Variants in ATOSA observed in about 807,000 individuals in gnomAD.
ATOSA encodes the protein atos homolog protein A.
At chr15:52,641,097 C>T in the ATOSA span, among the ~76,000 whole-genome samples, 1 of 152,152 alleles carries the variant, frequency 6.6e-6, no homozygotes, top group African/African-American at 2.4e-5. Flanking sequence ...AAAAATAAAA[C>T]AGCTACAGGT....
chr15:52,614,750 A>T, the ATOSA span, among the ~76,000 whole-genome samples: 1 of 151,954 alleles, frequency 6.6e-6, no homozygotes, highest in Admixed American at 6.6e-5. Context: ...CAGGAGGCTG[A>T]GGCAGGAGAA....
chr15:52,639,022 T>C, the ATOSA span, among the ~76,000 whole-genome samples: 12 of 151,048 alleles, frequency 7.9e-5, no homozygotes, highest in African/African-American at 2.7e-4. Flanking sequence ...TGACTTGAAA[T>C]TGACTTCAAG....
chr15:52,590,305 C>T, the ATOSA span, among the ~76,000 whole-genome samples: 1 of 152,180 alleles, frequency 6.6e-6, no homozygotes, highest in African/African-American at 2.4e-5. Flanking sequence ...CACTGGCACA[C>T]CTGCCTTAGA....
At chr15:52,621,200 A>G in the ATOSA span, among the ~76,000 whole-genome samples, 1 of 152,246 alleles carries the variant, frequency 6.6e-6, no homozygotes. Flanking sequence ...ACTTTTGACA[A>G]GGAAACATAT....
chr15:52,677,983 C>T, the ATOSA span: 1 of 1,613,960 alleles, frequency 6.2e-7, no homozygotes, highest in Non-Finnish European at 8.5e-7. Flanking sequence ...GGGGAACAAG[C>T]CCTACTTAAA....
the ATOSA span, among the ~76,000 whole-genome samples, chr15:52,662,633 G>A: frequency 9.3e-5 from 14 of 151,334 alleles, no homozygotes; most frequent in African/African-American, 2.9e-4. Flanking sequence ...AGCAGGGCAC[G>A]GTGGCGGGTG....
chr15:52,688,625 T>C, the ATOSA span, among the ~76,000 whole-genome samples: 1 of 152,178 alleles, frequency 6.6e-6, no homozygotes, highest in Non-Finnish European at 1.5e-5. Flanking sequence ...TGAAAAACCA[T>C]AGCATCTAGA....
chr15:52,600,957 C>G, the ATOSA span: 1 of 650,262 alleles, frequency 1.5e-6, no homozygotes, highest in African/African-American at 1.9e-5. Context: ...TGCGTGTGTA[C>G]ATGGTATCAT....
the ATOSA span, among the ~76,000 whole-genome samples, chr15:52,606,792 C>A: frequency 6.6e-6 from 1 of 152,068 alleles, no homozygotes; most frequent in Non-Finnish European, 1.5e-5. Context: ...AAAATATAAA[C>A]TGGAAACATG....
the ATOSA span, among the ~76,000 whole-genome samples, chr15:52,668,550 C>G: frequency 6.6e-6 from 1 of 152,086 alleles, no homozygotes; most frequent in Non-Finnish European, 1.5e-5. Flanking sequence ...CTAGAAGAGG[C>G]TTTTGAATGT....
At chr15:52,688,842 A>C in the ATOSA span, among the ~76,000 whole-genome samples, 83 of 152,346 alleles carry the variant, frequency 5.4e-4, no homozygotes, top group African/African-American at 2.0e-3. Context: ...ACAAGGACTG[A>C]GAAATATCTT....
the ATOSA span, among the ~76,000 whole-genome samples, chr15:52,646,194 G>A: frequency 6.6e-6 from 1 of 152,286 alleles, no homozygotes; most frequent in East Asian, 1.9e-4. Context: ...GTCTATGTGT[G>A]AAATCTAAAA....
the ATOSA span, among the ~76,000 whole-genome samples, chr15:52,700,516 T>A: frequency 1.3e-5 from 2 of 152,074 alleles, no homozygotes; most frequent in Non-Finnish European, 2.9e-5. Context: ...AGCTTTCAGG[T>A]TCTCAACAGG....
At chr15:52,686,203 G>GT in the ATOSA span, among the ~76,000 whole-genome samples, 1 of 152,202 alleles carries the variant, frequency 6.6e-6, no homozygotes, top group Admixed American at 6.5e-5. Context: ...TATAAATGAA[G>GT]TTACTGATCC....
the ATOSA span, chr15:52,587,266 C>T: frequency 1.4e-6 from 2 of 1,461,978 alleles, no homozygotes; most frequent in South Asian, 1.2e-5. Flanking sequence ...TGCATATGTA[C>T]ATAAAAGACT....
the ATOSA span, among the ~76,000 whole-genome samples, chr15:52,641,878 T>C: frequency 2.0e-5 from 3 of 152,246 alleles, no homozygotes; most frequent in Admixed American, 2.0e-4. Flanking sequence ...AATCAAGTAG[T>C]GGGATTTAAT....
At chr15:52,701,966 C>G in the ATOSA span, among the ~76,000 whole-genome samples, 1 of 151,698 alleles carries the variant, frequency 6.6e-6, no homozygotes, top group Non-Finnish European at 1.5e-5. Context: ...AAAGAGAAGA[C>G]AAAAAATCTT....
chr15:52,615,611 G>T, the ATOSA span, among the ~76,000 whole-genome samples: 2 of 152,174 alleles, frequency 1.3e-5, no homozygotes, highest in African/African-American at 4.8e-5. Flanking sequence ...CAAAAAGAAA[G>T]ACTGGAGCCA....
At chr15:52,698,862 G>T in the ATOSA span, among the ~76,000 whole-genome samples, 1 of 152,154 alleles carries the variant, frequency 6.6e-6, no homozygotes. Context: ...TTTAGTATTT[G>T]TATGTTGTTA....
Sources: gnomAD v4.1 joint callset for allele counts (sites outside exome capture counted in the v4.1 genomes callset) on GRCh38, gnomAD v4.1.1 for gene constraint, MANE v1.5 for transcripts, NCBI Gene and HGNC (gene_info 2026-07-23, HGNC 2026-07-21) for gene names.